Variants in NEGR1 observed in about 807,000 individuals in gnomAD.
NEGR1 encodes IgLON family member 4.
A neutral mutation model predicts 40.9 loss-of-function variants in NEGR1; 10 were observed. That is an observed-to-expected ratio of 0.24 (90% CI 0.15 to 0.42). The LOEUF is 0.42. NEGR1 is among the 10% of genes least tolerant of loss of function. The pLI, the probability that NEGR1 is intolerant of heterozygous loss-of-function variation, is 1.00. For missense variants in NEGR1, 352 were observed against 438.9 expected (o/e 0.80, Z 1.77); for synonymous variants, 185 against 166.8 (o/e 1.11, Z -0.84).
chr1:72,116,774 A>G (rs972033069), intron 1 of NEGR1, among the ~76,000 whole-genome samples: 5 of 151,758 alleles, frequency 3.3e-5, no homozygotes, highest in Non-Finnish European at 4.4e-5. Flanking sequence ...AGTCTGTAAA[A>G]GTGTTTACAT....
At chr1:71,841,579 A>T (rs1659241233) in intron 2 of NEGR1, among the ~76,000 whole-genome samples, 1 of 152,134 alleles carries the variant, frequency 6.6e-6, no homozygotes, top group South Asian at 2.1e-4. Flanking sequence ...TGTCAGTATA[A>T]TGTGGTGGTT....
chr1:71,731,278 T>A (rs1034988267), intron 3 of NEGR1, among the ~76,000 whole-genome samples: 1 of 152,166 alleles, frequency 6.6e-6, no homozygotes, highest in East Asian at 1.9e-4. Flanking sequence ...TACGTAGAAA[T>A]CAACTCTGAG....
intron 6 of NEGR1, among the ~76,000 whole-genome samples, chr1:71,502,952 G>A (rs1232966869): frequency 6.6e-6 from 1 of 152,162 alleles, no homozygotes; most frequent in East Asian, 1.9e-4. Context: ...GGAGGGTTGA[G>A]TACATGAGGA....
intron 1 of NEGR1, among the ~76,000 whole-genome samples, chr1:72,120,779 A>T (rs1410053020): frequency 1.3e-5 from 2 of 152,068 alleles, no homozygotes; most frequent in Non-Finnish European, 2.9e-5. Context: ...TATTTTTAAA[A>T]GATGAAATTG....
At chr1:71,742,521 G>GT (rs755334021) in intron 3 of NEGR1, among the ~76,000 whole-genome samples, 23 of 151,816 alleles carry the variant, frequency 1.5e-4, no homozygotes, top group Non-Finnish European at 2.1e-4. Flanking sequence ...ATCTCATGAA[G>GT]TTTACATGCT....
chr1:71,901,325 T>C (rs946275133), intron 2 of NEGR1, among the ~76,000 whole-genome samples: 1 of 152,218 alleles, frequency 6.6e-6, no homozygotes, highest in African/African-American at 2.4e-5. Flanking sequence ...ATTAACTATT[T>C]CTGGCACATT....
chr1:71,618,793 G>T (rs555079233), intron 4 of NEGR1, among the ~76,000 whole-genome samples: 1 of 152,254 alleles, frequency 6.6e-6, no homozygotes, highest in South Asian at 2.1e-4. Context: ...AAAGGTTAGA[G>T]ACTGCTGTCT....
chr1:71,760,767 G>T (rs1655914273), intron 3 of NEGR1, among the ~76,000 whole-genome samples: 1 of 152,062 alleles, frequency 6.6e-6, no homozygotes, highest in Non-Finnish European at 1.5e-5. Context: ...GGTTCATAAA[G>T]AATTACAGTG....
intron 2 of NEGR1, among the ~76,000 whole-genome samples, chr1:71,888,701 G>C (rs1419556800): frequency 1.0e-4 from 10 of 98,070 alleles, no homozygotes; most frequent in African/African-American, 3.7e-4. Flanking sequence ...AGCTCGAACT[G>C]GGTGGAGCCC....
In NEGR1 at chr1:71,400,616, A is replaced by T. The variant is rs1646240465; in HGVS notation, c.*6830T>A. On this transcript the variant is annotated 3_prime_UTR_variant, in exon 7 of 7. Coordinates refer to ENST00000357731, the MANE Select transcript of NEGR1 (RefSeq NM_173808.3). ...GAGATAAGGAAGAAAAGGAGTAATT[A>T]AAAAACATAGATTATTAGATAGATA... 6.6e-6 allele frequency: 1 copy of T among 152,084 alleles called. No individual in the cohort carries two copies. The highest frequency in any genetic ancestry group is 1.5e-5 in the Non-Finnish European group (1 of 67,976). 9.4% of individuals were successfully genotyped at this position (152,084 alleles called of 1,614,324 possible).
intron 4 of NEGR1, among the ~76,000 whole-genome samples, chr1:71,634,422 C>T (rs1302725448): frequency 1.3e-5 from 2 of 152,058 alleles, no homozygotes; most frequent in Non-Finnish European, 1.5e-5. Context: ...AATGTGTAGG[C>T]TGCTGATGCT....
At chr1:72,118,950 A>G (rs576892840) in intron 1 of NEGR1, among the ~76,000 whole-genome samples, 1 of 151,870 alleles carries the variant, frequency 6.6e-6, no homozygotes, top group East Asian at 1.9e-4. Context: ...TATTAAAAAA[A>G]CTTGCATTTT....
At chr1:71,690,132 T>C (rs921308771) in intron 4 of NEGR1, among the ~76,000 whole-genome samples, 7 of 151,982 alleles carry the variant, frequency 4.6e-5, no homozygotes, top group Admixed American at 2.6e-4. Flanking sequence ...CACACACATA[T>C]ACACATACAC....
intron 2 of NEGR1, among the ~76,000 whole-genome samples, chr1:71,847,009 C>T (rs764587876): frequency 6.6e-6 from 1 of 152,300 alleles, no homozygotes; most frequent in Non-Finnish European, 1.5e-5. Flanking sequence ...TCTTCTCCCA[C>T]AGTACTTACT....
In NEGR1 at chr1:72,277,930, C is replaced by T. The variant is rs1195472854; in HGVS notation, c.176+4389G>A. On this transcript the variant is annotated intron_variant, in intron 1 of 6. Transcript: ENST00000357731. ...CTATTGGTAATTCTGTATTCTCATA[C>T]AGAAATCATTTATTTTATTGTAACT... is the stretch of plus-strand genomic sequence containing the variant. 4.6e-5 allele frequency among the ~76,000 whole-genome samples: 7 copies of T among 152,084 alleles called. No homozygotes were observed. In the East Asian group the frequency reaches 1.2e-3, roughly 25 times the overall value.
At chr1:71,774,186 G>T (rs977844813) in intron 3 of NEGR1, among the ~76,000 whole-genome samples, 2 of 152,156 alleles carry the variant, frequency 1.3e-5, no homozygotes, top group African/African-American at 4.8e-5. Context: ...CTAGCTGGTG[G>T]TAACTACAGC....
intron 1 of NEGR1, among the ~76,000 whole-genome samples, chr1:72,275,912 C>T (rs780992778): frequency 6.6e-6 from 1 of 151,912 alleles, no homozygotes; most frequent in Non-Finnish European, 1.5e-5. Flanking sequence ...GTCTGGGCAA[C>T]ACAGTAAGAC....
chr1:71,936,076 G>T (rs957920453), intron 1 of NEGR1, among the ~76,000 whole-genome samples: 6 of 152,094 alleles, frequency 3.9e-5, no homozygotes, highest in African/African-American at 1.4e-4. Context: ...TGGGATTACA[G>T]GCTTGAGCCA....
intron 6 of NEGR1, among the ~76,000 whole-genome samples, chr1:71,572,425 A>T (rs1039048877): frequency 6.6e-6 from 1 of 152,340 alleles, no homozygotes; most frequent in African/African-American, 2.4e-5. Context: ...AACTCTTAAC[A>T]CATACTTATT....
Sources: gnomAD v4.1 joint callset for allele counts (sites outside exome capture counted in the v4.1 genomes callset) on GRCh38, gnomAD v4.1.1 for gene constraint, MANE v1.5 for transcripts, NCBI Gene and HGNC (gene_info 2026-07-23, HGNC 2026-07-21) for gene names.